WDR49: variants seen among roughly 807,000 people sequenced by gnomAD.
The protein encoded by WDR49 is WD repeat domain 49.
Under a neutral mutation model 119.5 loss-of-function variants are expected in WDR49, and 107 were observed. The ratio of observed to expected loss-of-function variants is 0.90; its 90% CI spans 0.77 to 1.05. The LOEUF is 1.05. WDR49 is among the 50% of genes least tolerant of loss of function. WDR49 has a pLI of 0.00. For missense variants in WDR49, 1,240 were observed against 1,220.5 expected (o/e 1.02, Z -0.24); for synonymous variants, 425 against 418.8 (o/e 1.01, Z -0.18).
In WDR49 at chr3:167,582,650, T is replaced by C. The variant is rs547755040; in HGVS notation, c.1276-6499A>G. 5.9e-5 allele frequency among the ~76,000 whole-genome samples: 9 copies of C among 152,240 alleles called. No homozygotes were observed. The South Asian group carries it at 1.0e-3, about 18-fold the overall frequency. On this transcript the variant is annotated intron_variant, in intron 7 of 18. Coordinates refer to ENST00000682715, the MANE Select transcript of WDR49 (RefSeq NM_001366157.1). The stretch of plus-strand genomic sequence containing the variant: ...TCTGAATTGTTGGGCAGAAATCTCA[T>C]TGATTTCCCAGTTCTAATTTGCAAT...
Position 167,500,277 on chromosome 3 carries a change from A to G in WDR49, c.2907T>C (p.Ile969=). The stretch of plus-strand genomic sequence containing the variant: ...CTTCAGGCAGCTCTTCCAGGGCTCC[A>G]ATGTTTAATGACCTAAATGTACCTT... ...KSFSTFRSLN[I]GALEELPEVN... is the part of the protein sequence containing the mutation. The change falls in exon 18 of 19, where the codon ATT becomes ATC. Residue 969 remains isoleucine, a synonymous_variant. Transcript: ENST00000682715. The G allele has an allele frequency of 6.2e-7, 1 of 1,604,964 alleles. No homozygotes were observed. Among genetic ancestry groups the G allele is most frequent in the South Asian group, 1.1e-5 (1 of 89,274 alleles).
chr3:167,616,017 ATCT>A (rs1436448237), intron 5 of WDR49, among the ~76,000 whole-genome samples: 1 of 152,248 alleles, frequency 6.6e-6, no homozygotes, highest in Non-Finnish European at 1.5e-5. Context: ...TTATTTAAAA[ATCT>A]TCTTAGTCGG....
Position 167,653,492 on chromosome 3 carries a change from A to G in WDR49, c.-67T>C. The G allele has an allele frequency of 7.1e-7, 1 of 1,410,758 alleles. No homozygotes were observed. The allele number at this position is 1,410,758 out of a possible 1,614,324, so 87.4% of individuals were successfully genotyped here. A position where few individuals can be genotyped will look rare whatever the true frequency, so the allele number is the denominator to read the frequency against. Reference sequence around the variant, plus strand: ...AAGGATGGATCTTCTTTTTCCTTCAACAGGTGCCTTTGAAAAGAAACTCAA... The same window carrying G: ...AAGGATGGATCTTCTTTTTCCTTCAGCAGGTGCCTTTGAAAAGAAACTCAA... On this transcript the variant is annotated 5_prime_UTR_variant, in exon 2 of 19. Coordinates refer to ENST00000682715, the MANE Select transcript of WDR49 (RefSeq NM_001366157.1).
At chr3:167,486,066 C>T (rs1750907581) in intron 18 of WDR49, among the ~76,000 whole-genome samples, 1 of 152,010 alleles carries the variant, frequency 6.6e-6, no homozygotes, top group African/African-American at 2.4e-5. Flanking sequence ...AGAATCCTTA[C>T]AAGCCAAAAG....
chr3:167,512,620 A>G (rs1366037896), intron 16 of WDR49, among the ~76,000 whole-genome samples: 1 of 152,224 alleles, frequency 6.6e-6, no homozygotes, highest in African/African-American at 2.4e-5. Flanking sequence ...AGATGGATGA[A>G]TTGACAGAAG....
intron 11 of WDR49, among the ~76,000 whole-genome samples, chr3:167,534,976 T>C (rs1752972556): frequency 6.6e-6 from 1 of 152,166 alleles, no homozygotes; most frequent in African/African-American, 2.4e-5. Context: ...AAATGGACAA[T>C]ACAAATAAAA....
At chr3:167,575,790 T>C in intron 8 of WDR49, 128 bp downstream of exon 8, 2 of 900,234 alleles carry the variant, frequency 2.2e-6, no homozygotes, top group Non-Finnish European at 3.3e-6. Flanking sequence ...ACATGGCTAT[T>C]AAATCATTTC....
chr3:167,501,081 A>C (rs549156807), intron 17 of WDR49, among the ~76,000 whole-genome samples: 1 of 152,342 alleles, frequency 6.6e-6, no homozygotes, highest in African/African-American at 2.4e-5. Context: ...ATAGACTGCT[A>C]TGTGACCCCC....
At chr3:167,624,187 T>C (rs1717007367) in intron 3 of WDR49, among the ~76,000 whole-genome samples, 1 of 151,844 alleles carries the variant, frequency 6.6e-6, no homozygotes, top group Admixed American at 6.6e-5. Flanking sequence ...AAGATATAAA[T>C]GCAGGCCTTT....
At chr3:167,602,966 C>T (rs1291307030) in intron 6 of WDR49, among the ~76,000 whole-genome samples, 1 of 152,054 alleles carries the variant, frequency 6.6e-6, no homozygotes, top group Non-Finnish European at 1.5e-5. Flanking sequence ...GTGTAGTAGG[C>T]TACACCATCT....
chr3:167,638,909 A>C (rs1717743837), intron 2 of WDR49, among the ~76,000 whole-genome samples: 2 of 151,688 alleles, frequency 1.3e-5, no homozygotes, highest in Non-Finnish European at 3.0e-5. Context: ...TTTCCTATCC[A>C]GCTGGTGAAT....
At chr3:167,524,187 A>G (rs1281083404) in intron 15 of WDR49, among the ~76,000 whole-genome samples, 2 of 152,190 alleles carry the variant, frequency 1.3e-5, no homozygotes, top group African/African-American at 4.8e-5. Flanking sequence ...GGCCACATAA[A>G]TACCTTCTTT....
intron 17 of WDR49, 51 bp from the exon 18 acceptor site, chr3:167,500,350 T>A (rs1352970356): frequency 6.3e-7 from 1 of 1,579,428 alleles, no homozygotes; most frequent in Non-Finnish European, 8.6e-7. Flanking sequence ...GGGTACAATA[T>A]CATTAACTCC....
intron 7 of WDR49, among the ~76,000 whole-genome samples, chr3:167,582,802 G>A (rs985985403): frequency 3.9e-5 from 6 of 152,208 alleles, no homozygotes; most frequent in African/African-American, 1.2e-4. Flanking sequence ...CAAAAAAGTA[G>A]TTGGACATTA....
chr3:167,479,948 A>G (rs1257407935), intron 18 of WDR49, among the ~76,000 whole-genome samples: 1 of 151,960 alleles, frequency 6.6e-6, no homozygotes, highest in Admixed American at 6.6e-5. Flanking sequence ...ATGGAAAAAA[A>G]GGCCGGGCAC....
intron 13 of WDR49, 28 bp downstream of exon 13, chr3:167,531,087 A>G (rs1577221145): frequency 8.8e-6 from 14 of 1,594,218 alleles, no homozygotes; most frequent in Non-Finnish European, 1.1e-5. Flanking sequence ...CTTTCCAACT[A>G]TATGTAAAAT....
At chr3:167,589,595 G>A (rs989584115) in intron 7 of WDR49, among the ~76,000 whole-genome samples, 1 of 151,824 alleles carries the variant, frequency 6.6e-6, no homozygotes, top group African/African-American at 2.4e-5. Flanking sequence ...CATTTTTGTA[G>A]CTTCTTCAAT....
chr3:167,484,689 CAA>C (rs11354730), intron 18 of WDR49, among the ~76,000 whole-genome samples: 44,385 of 119,158 alleles, frequency 0.37, 6,793 homozygotes, highest in East Asian at 0.53. Context: ...AGGATGATGG[CAA>C]AAAAAAAAAA....
intron 10 of WDR49, among the ~76,000 whole-genome samples, chr3:167,541,878 T>C (rs1484239552): frequency 6.6e-6 from 1 of 151,768 alleles, no homozygotes; most frequent in African/African-American, 2.4e-5. Context: ...CAAACAGACA[T>C]GAAAAGCAAG....
Sources: gnomAD v4.1 joint callset for allele counts (sites outside exome capture counted in the v4.1 genomes callset) on GRCh38, gnomAD v4.1.1 for gene constraint, MANE v1.5 for transcripts, NCBI Gene and HGNC (gene_info 2026-07-23, HGNC 2026-07-21) for gene names.